Variants in PPP2R2C observed in about 807,000 individuals in gnomAD.
PPP2R2C encodes the protein protein phosphatase 2 regulatory subunit Bgamma, also known as protein phosphatase 2, regulatory subunit B, gamma.
Under a neutral mutation model 45.3 loss-of-function variants are expected in PPP2R2C, and 10 were observed. The observed-to-expected ratio is 0.22, with a 90% CI of 0.14 to 0.37. The LOEUF (loss-of-function observed/expected upper bound fraction) is 0.37, where lower values mean the gene tolerates loss of function less well. Among genes scored for constraint, PPP2R2C ranks in the 10% least tolerant of loss-of-function variants. The pLI is 1.00. For missense variants in PPP2R2C, 308 were observed against 619.7 expected (o/e 0.50, Z 5.34); for synonymous variants, 257 against 245.4 (o/e 1.05, Z -0.44).
At chr4:6,351,535 G>C (rs1303559785) in intron 5 of PPP2R2C, among the ~76,000 whole-genome samples, 3 of 152,128 alleles carry the variant, frequency 2.0e-5, no homozygotes, top group Non-Finnish European at 4.4e-5. Flanking sequence ...CCAAACCTGG[G>C]TCAGGACCCA....
At chr4:6,509,277 C>T (rs115286471) in intron 2 of PPP2R2C, among the ~76,000 whole-genome samples, 6 of 152,288 alleles carry the variant, frequency 3.9e-5, no homozygotes, top group African/African-American at 1.4e-4. Context: ...GAAAGCCTTG[C>T]CTGGCAGCCC....
chr4:6,402,895 G>A (rs1043142822), intron 1 of PPP2R2C, among the ~76,000 whole-genome samples: 3 of 152,194 alleles, frequency 2.0e-5, no homozygotes, highest in Non-Finnish European at 2.9e-5. Flanking sequence ...GGACCTCAAC[G>A]GCAGACAGAG....
chr4:6,518,143 G>A (rs1366177752), intron 2 of PPP2R2C, among the ~76,000 whole-genome samples: 1 of 152,144 alleles, frequency 6.6e-6, no homozygotes, highest in Non-Finnish European at 1.5e-5. Context: ...TTTATGAGAG[G>A]CAGCAAAAGC....
At chr4:6,419,216 G>C (rs957705478) in intron 1 of PPP2R2C, among the ~76,000 whole-genome samples, 2 of 152,156 alleles carry the variant, frequency 1.3e-5, no homozygotes, top group Non-Finnish European at 2.9e-5. Context: ...TAGGGAGTTC[G>C]AGACCAGCCT....
At chr4:6,486,365 G>A (rs1394775886) in intron 2 of PPP2R2C, among the ~76,000 whole-genome samples, 2 of 151,988 alleles carry the variant, frequency 1.3e-5, no homozygotes, top group Non-Finnish European at 2.9e-5. Context: ...TGGGTAGCAT[G>A]TTCTACAGAT....
rs191258288 is a variant in PPP2R2C, at chr4:6,429,555, G to A, written c.70+42605C>T. ...GGGTTGGGGATGATCTCAGAGAGGC[G>A]GTGGTGACAAACAGCACGAGACCCC... On this transcript the variant is annotated intron_variant, in intron 1 of 8. Transcript: ENST00000382599. Among the ~76,000 whole-genome samples the A allele has an allele frequency of 7.4e-4, 113 of 152,256 alleles. 1 individual carries two copies. The highest frequency in any genetic ancestry group is 2.5e-3 in the African/African-American group (105 of 41,544).
At chr4:6,426,885 C>G (rs1719361726) in intron 1 of PPP2R2C, among the ~76,000 whole-genome samples, 1 of 152,246 alleles carries the variant, frequency 6.6e-6, no homozygotes, top group African/African-American at 2.4e-5. Context: ...GCACACAGAG[C>G]TCAAGGAGGC....
chr4:6,413,259 TCGCA>T (rs1417010180), intron 1 of PPP2R2C, among the ~76,000 whole-genome samples: 3 of 139,966 alleles, frequency 2.1e-5, no homozygotes, highest in African/African-American at 7.5e-5. Flanking sequence ...AGTCATGTAC[TCGCA>T]CACACATTGT....
chr4:6,351,905 G>A (rs1205647290), intron 5 of PPP2R2C, among the ~76,000 whole-genome samples: 7 of 152,110 alleles, frequency 4.6e-5, no homozygotes, highest in African/African-American at 1.7e-4. Context: ...GACCTACCCG[G>A]GCCTGCAGCC....
At position 6,378,698 on chromosome 4, in the gene PPP2R2C, G is replaced by C; in HGVS notation, c.169-126C>G. 1 of 1,030,362 alleles carries C rather than the reference G, an allele frequency of 9.7e-7. No individual in the cohort carries two copies. The highest frequency in any genetic ancestry group is 1.4e-6 in the Non-Finnish European group (1 of 702,844). 63.8% of individuals were successfully genotyped at this position (1,030,362 alleles called of 1,614,324 possible). ...GAGCCGTGCCAGGGATCCAATTCGAGGGTCAAATGAAACTCTCTGCAGCTT... is the reference window on the plus strand; with the variant it reads ...GAGCCGTGCCAGGGATCCAATTCGACGGTCAAATGAAACTCTCTGCAGCTT... On this transcript the variant is annotated intron_variant, in intron 2 of 8. Transcript: ENST00000382599. This position sits in a 1 kb window ranked among gnomAD's most constrained non-coding sequence, Gnocchi z 5.2.
In PPP2R2C at chr4:6,370,684, C is replaced by T. The variant is rs77183943; in HGVS notation, c.625+1839G>A. Among the ~76,000 whole-genome samples, 1,119 of 152,298 alleles carry T rather than the reference C, an allele frequency of 7.3e-3. 14 individuals carry two copies. The highest frequency in any genetic ancestry group is 0.025 in the African/African-American group (1,020 of 41,556). On this transcript the variant is annotated intron_variant, in intron 5 of 8. Coordinates refer to ENST00000382599, the MANE Select transcript of PPP2R2C (RefSeq NM_020416.4). Reference sequence around the variant, plus strand: ...CAGAAGACAGCAGAGGCAATCAGCCCAGAGAGCCATCACCCACGATGCTCC... The same window carrying T: ...CAGAAGACAGCAGAGGCAATCAGCCTAGAGAGCCATCACCCACGATGCTCC...
At chr4:6,338,613 C>T (rs964530957) in intron 6 of PPP2R2C, among the ~76,000 whole-genome samples, 2 of 152,142 alleles carry the variant, frequency 1.3e-5, no homozygotes, top group African/African-American at 4.8e-5. Context: ...AAGGTTTAGG[C>T]TCCTACCTGT....
intron 1 of PPP2R2C, among the ~76,000 whole-genome samples, chr4:6,542,552 A>AGGCATGGT (rs1452547990): frequency 6.6e-6 from 1 of 151,952 alleles, no homozygotes; most frequent in African/African-American, 2.4e-5. Context: ...AAAATTAGCC[A>AGGCATGGT]GGCATGGTGG....
rs545716740 is a variant in PPP2R2C at position 6,518,652 on chromosome 4, G to C, written c.49+16619C>G. On this transcript the variant is annotated intron_variant, in intron 2 of 9. Coordinates refer to the PPP2R2C transcript ENST00000506140. ...CTATTAAAGAAATGGCCCAGGTGTGGTGGCTCAGGCCTGTAATCCCAGCAC... is the reference window on the plus strand; with the variant it reads ...CTATTAAAGAAATGGCCCAGGTGTGCTGGCTCAGGCCTGTAATCCCAGCAC... Among the ~76,000 whole-genome samples, 44 of 152,320 alleles carry C rather than the reference G, an allele frequency of 2.9e-4. No individual in the cohort carries two copies. The South Asian group carries it at 7.5e-3, about 26-fold the overall frequency.
chr4:6,535,129 G>T, intron 2 of PPP2R2C: 1 of 983,010 alleles, frequency 1.0e-6, no homozygotes, highest in Admixed American at 2.4e-5. Flanking sequence ...CCAGGGGCCA[G>T]AGCAGGGGAG....
upstream of PPP2R2C, among the ~76,000 whole-genome samples, chr4:6,472,944 A>C (rs1185485096): frequency 6.6e-6 from 1 of 152,010 alleles, no homozygotes; most frequent in African/African-American, 2.4e-5. Flanking sequence ...GAAGGCAGAA[A>C]GGACTAGGAA....
intron 2 of PPP2R2C, among the ~76,000 whole-genome samples, chr4:6,478,386 C>T (rs937699849): frequency 4.6e-5 from 7 of 152,158 alleles, no homozygotes; most frequent in African/African-American, 1.2e-4. Context: ...GAGTGACTAG[C>T]GTCTCTTCTG....
At chr4:6,508,002 A>C (rs1723295114) in intron 2 of PPP2R2C, among the ~76,000 whole-genome samples, 1 of 152,250 alleles carries the variant, frequency 6.6e-6, no homozygotes, top group Admixed American at 6.5e-5. Context: ...TGCTGAGCAC[A>C]GTGACACATG....
At chr4:6,408,883 T>C (rs1202447138) in intron 1 of PPP2R2C, among the ~76,000 whole-genome samples, 1 of 150,954 alleles carries the variant, frequency 6.6e-6, no homozygotes, top group Non-Finnish European at 1.5e-5. Context: ...CTTTTTTTTT[T>C]TTTTTTTTAG....
Sources: gnomAD v4.1 joint callset for allele counts (sites outside exome capture counted in the v4.1 genomes callset) on GRCh38, gnomAD v4.1.1 for gene constraint, Gnocchi (gnomAD v3.1) non-coding constraint, MANE v1.5 for transcripts, NCBI Gene and HGNC (gene_info 2026-07-23, HGNC 2026-07-21) for gene names.